LZTFL1: variants seen among roughly 807,000 people sequenced by gnomAD.
The protein encoded by LZTFL1 is leucine zipper transcription factor like 1.
Under a neutral mutation model 45.9 loss-of-function variants are expected in LZTFL1, and 25 were observed. The ratio of observed to expected loss-of-function variants is 0.54; its 90% CI spans 0.40 to 0.76. The LOEUF is 0.76. Among genes scored for constraint, LZTFL1 ranks in the 30% least tolerant of loss-of-function variants. LZTFL1 has a pLI of 0.00. For synonymous variants in LZTFL1, 93 were observed against 117.4 expected, an observed-to-expected ratio of 0.79 and a Z score of 1.35; for missense variants, 277 against 331.1, an observed-to-expected ratio of 0.84 and a Z score of 1.27.
intron 2 of LZTFL1, among the ~76,000 whole-genome samples, chr3:45,912,081 G>A (rs1197282921): frequency 6.6e-6 from 1 of 152,238 alleles, no homozygotes; most frequent in Admixed American, 6.5e-5. Flanking sequence ...GGTGTGAATA[G>A]TGTTCGTCAC....
At chr3:45,879,473 G>A (rs1701812658) in intron 2 of LZTFL1, among the ~76,000 whole-genome samples, 1 of 152,194 alleles carries the variant, frequency 6.6e-6, no homozygotes, top group Non-Finnish European at 1.5e-5. Context: ...ACTGGAGACA[G>A]TAAAAAGGTC....
At chr3:45,841,228 T>C (rs1701102912) in intron 1 of LZTFL1, among the ~76,000 whole-genome samples, 2 of 152,248 alleles carry the variant, frequency 1.3e-5, no homozygotes. Context: ...ATAGAAATTC[T>C]GGTTGCTGAA....
chr3:45,901,111 C>T lies in LZTFL1; in HGVS notation c.-215+12009G>A, dbSNP rs1337551006. On this transcript the variant is annotated intron_variant, in intron 2 of 4. Transcript: ENST00000472635. The surrounding 1 kb of genome is among the most constrained non-coding windows in gnomAD (Gnocchi z 4.3). ...ACTCTTCCCTTCTGGGCCATTGCTG[C>T]TGCTGACCAGTGGAAGTTCCAGACC... 2.5e-6 allele frequency: 4 copies of T among 1,614,032 alleles called. No homozygotes were observed. The African/African-American group carries it at 5.3e-5, about 22-fold the overall frequency.
chr3:45,910,870 G>T lies in LZTFL1; in HGVS notation c.-215+2250C>A, dbSNP rs528554762. 5.3e-5 allele frequency among the ~76,000 whole-genome samples: 8 copies of T among 152,226 alleles called. No individual in the cohort carries two copies. In the East Asian group the frequency reaches 1.2e-3, roughly 22 times the overall value. On this transcript the variant is annotated intron_variant, in intron 2 of 4. Transcript: ENST00000472635. ...CGGGAATTTGGAAGGGGCTCAGCAG[G>T]GCATATTTAGCTTGGGGTCTCTCAT...
chr3:45,876,199 T>C (rs1575282947), intron 2 of LZTFL1, among the ~76,000 whole-genome samples: 2 of 152,090 alleles, frequency 1.3e-5, no homozygotes, highest in East Asian at 1.9e-4. Flanking sequence ...CTCAGGGACA[T>C]AGGACAGCTC....
intron 2 of LZTFL1, among the ~76,000 whole-genome samples, chr3:45,872,408 G>T (rs904641811): frequency 6.6e-6 from 1 of 152,170 alleles, no homozygotes; most frequent in Admixed American, 6.5e-5. Flanking sequence ...TGTGGGGTAG[G>T]TTGTGTTTCC....
intron 2 of LZTFL1, among the ~76,000 whole-genome samples, chr3:45,862,087 TG>T: frequency 6.6e-6 from 1 of 152,352 alleles, no homozygotes; most frequent in Non-Finnish European, 1.5e-5. Context: ...AAATGTGTAT[TG>T]AGCACCTGAT....
intron 2 of LZTFL1, among the ~76,000 whole-genome samples, chr3:45,889,319 A>G (rs1702075021): frequency 6.6e-6 from 1 of 152,094 alleles, no homozygotes; most frequent in Non-Finnish European, 1.5e-5. Context: ...AAAAAAATAA[A>G]GAGAAACCTT....
intron 2 of LZTFL1, chr3:45,902,002 A>G: frequency 1.0e-6 from 1 of 971,504 alleles, no homozygotes; most frequent in Non-Finnish European, 1.5e-6. Context: ...AAGAAAACTC[A>G]GAAAGGGATG....
intron 3 of LZTFL1, chr3:45,858,935 C>T (rs1701436661): frequency 6.6e-6 from 1 of 152,216 alleles, no homozygotes; most frequent in Admixed American, 6.5e-5. Flanking sequence ...ATTTTATTTA[C>T]TCACCTTGCG....
intron 1 of LZTFL1, chr3:45,913,304 A>AT: frequency 1.5e-6 from 1 of 675,238 alleles, no homozygotes; most frequent in Non-Finnish European, 2.4e-6. Flanking sequence ...AAGATCCTTA[A>AT]CTTTTTTTTT....
At chr3:45,904,529 C>A (rs1051186115) in intron 2 of LZTFL1, among the ~76,000 whole-genome samples, 1 of 152,234 alleles carries the variant, frequency 6.6e-6, no homozygotes, top group Non-Finnish European at 1.5e-5. Flanking sequence ...ATAACTTCTT[C>A]TTTGCCCATT....
intron 2 of LZTFL1, chr3:45,895,097 C>T: frequency 1.1e-6 from 1 of 871,688 alleles, no homozygotes; most frequent in Non-Finnish European, 1.9e-6. Context: ...ATGCGCATTG[C>T]TGGGTAGGTT....
intron 2 of LZTFL1, among the ~76,000 whole-genome samples, chr3:45,898,692 G>T (rs1559425562): frequency 6.6e-6 from 1 of 152,182 alleles, no homozygotes; most frequent in African/African-American, 2.4e-5. Flanking sequence ...GCCCAAATAG[G>T]ACTAACATCT....
In LZTFL1 at chr3:45,823,923, A is replaced by G. The variant is rs550285853; in HGVS notation, c.*2391T>C. 3 of 152,364 alleles carry G rather than the reference A, an allele frequency of 2.0e-5. No homozygotes were observed. The highest frequency in any genetic ancestry group is 7.2e-5 in the African/African-American group (3 of 41,578). 9.4% of individuals were successfully genotyped at this position (152,364 alleles called of 1,614,324 possible). On this transcript the variant is annotated 3_prime_UTR_variant, in exon 10 of 10. Coordinates refer to ENST00000296135, the MANE Select transcript of LZTFL1 (RefSeq NM_020347.4). ...AATAATGAATAGCAAAGGCTTTATCAAATAAGATTACACAGTCAAGGTAGG... is the reference window on the plus strand; with the variant it reads ...AATAATGAATAGCAAAGGCTTTATCGAATAAGATTACACAGTCAAGGTAGG...
Position 45,901,877 on chromosome 3 carries a change from C to T in LZTFL1, c.-215+11243G>A, listed in dbSNP as rs767511300. 1 of 1,601,444 alleles carries T rather than the reference C, an allele frequency of 6.2e-7. No individual in the cohort carries two copies. The highest frequency in any genetic ancestry group is 8.5e-7 in the Non-Finnish European group (1 of 1,171,194). On this transcript the variant is annotated intron_variant, in intron 2 of 4. Coordinates refer to the LZTFL1 transcript ENST00000472635. This position sits in a 1 kb window ranked among gnomAD's most constrained non-coding sequence, Gnocchi z 4.3. The stretch of plus-strand genomic sequence containing the variant: ...TGTCGTCTATGTTGCTGGAGACAAC[C>T]TCAGGAGCACTCTCCCTCTGAGGGG...
intron 2 of LZTFL1, among the ~76,000 whole-genome samples, chr3:45,859,626 G>C (rs1184390644): frequency 6.8e-6 from 1 of 147,760 alleles, no homozygotes; most frequent in Non-Finnish European, 1.5e-5. Context: ...CTTTCACAGA[G>C]AACATTACAT....
intron 2 of LZTFL1, among the ~76,000 whole-genome samples, chr3:45,871,742 G>C (rs1186458319): frequency 6.6e-6 from 1 of 151,976 alleles, no homozygotes; most frequent in African/African-American, 2.4e-5. Context: ...AGCCCCCAAA[G>C]ATTGCAAAGG....
chr3:45,864,901 A>C (rs988797705), intron 2 of LZTFL1, among the ~76,000 whole-genome samples: 5 of 152,244 alleles, frequency 3.3e-5, no homozygotes, highest in Non-Finnish European at 7.3e-5. Context: ...TGAAGAGTTG[A>C]AGCCCTTTTG....
Sources: allele counts gnomAD v4.1 joint callset (sites outside exome capture counted in the v4.1 genomes callset), GRCh38; gene constraint gnomAD v4.1.1; non-coding constraint Gnocchi (gnomAD v3.1); transcripts MANE v1.5; gene names NCBI Gene and HGNC (gene_info 2026-07-23, HGNC 2026-07-21).